Variants in KCNG3 observed in about 807,000 individuals in gnomAD.
The protein encoded by KCNG3 is potassium voltage-gated channel modifier subfamily G member 3.
In KCNG3, 15 loss-of-function variants were observed where a neutral mutation model predicts 29.0. That is an observed-to-expected ratio of 0.52 (90% CI 0.35 to 0.80). The LOEUF (loss-of-function observed/expected upper bound fraction) is 0.80, where lower values mean the gene tolerates loss of function less well. Among genes scored for constraint, KCNG3 ranks in the 30% least tolerant of loss-of-function variants. The pLI is 0.01. For synonymous variants in KCNG3, 322 were observed against 248.9 expected, an observed-to-expected ratio of 1.29 and a Z score of -2.76; for missense variants, 512 against 605.7, an observed-to-expected ratio of 0.85 and a Z score of 1.62.
chr2:42,398,859 C>T, the KCNG3 span, among the ~76,000 whole-genome samples: 1 of 152,112 alleles, frequency 6.6e-6, no homozygotes, highest in African/African-American at 2.4e-5. Flanking sequence ...GCACTGTGAA[C>T]ATTACTGACT....
chr2:42,402,326 T>C, the KCNG3 span, among the ~76,000 whole-genome samples: 1 of 152,208 alleles, frequency 6.6e-6, no homozygotes, highest in Non-Finnish European at 1.5e-5. Flanking sequence ...CCTAAATAAG[T>C]AAATCAATCC....
the KCNG3 span, among the ~76,000 whole-genome samples, chr2:42,430,918 T>C: frequency 3.7e-4 from 56 of 152,166 alleles, no homozygotes; most frequent in African/African-American, 1.3e-3. Flanking sequence ...GAGACCAGCC[T>C]GACCAACATG....
chr2:42,493,687 G>GC lies in KCNG3; in HGVS notation c.-187dup. 2 of 406,178 alleles carry GC rather than the reference G, an allele frequency of 4.9e-6. No individual in the cohort carries two copies. Among genetic ancestry groups the GC allele is most frequent in the Non-Finnish European group, 8.2e-6 (2 of 243,872 alleles). 25.2% of individuals were successfully genotyped at this position (406,178 alleles called of 1,614,324 possible). On this transcript the variant is annotated 5_prime_UTR_variant, in exon 1 of 2. Coordinates refer to ENST00000306078, the MANE Select transcript of KCNG3 (RefSeq NM_133329.6). The stretch of plus-strand genomic sequence containing the variant: ...CCTGGGCTCGAGTATCTCCGGCGCT[G>GC]CTAGTAGCGCGCCCTCCGCCCGGCG...
intron 1 of KCNG3, among the ~76,000 whole-genome samples, chr2:42,472,577 G>A (rs1162274167): frequency 2.0e-5 from 3 of 151,030 alleles, no homozygotes; most frequent in Non-Finnish European, 4.4e-5. Flanking sequence ...TCGGCTCACT[G>A]CAACCTCTCT....
chr2:42,467,958 G>A (rs1340226974), intron 1 of KCNG3, among the ~76,000 whole-genome samples: 2 of 148,474 alleles, frequency 1.3e-5, no homozygotes, highest in African/African-American at 5.0e-5. Context: ...GTGACAGAAT[G>A]AGACCCTGTC....
the KCNG3 span, among the ~76,000 whole-genome samples, chr2:42,403,911 G>A: frequency 6.6e-6 from 1 of 152,028 alleles, no homozygotes; most frequent in South Asian, 2.1e-4. Context: ...CTGCATTTAT[G>A]TTCTTAAGAT....
Position 42,443,779 on chromosome 2 carries a change from T to C in KCNG3, c.*155A>G, listed in dbSNP as rs1672539137. 1.5e-6 allele frequency: 1 copy of C among 655,914 alleles called. No homozygotes were observed. The allele number at this position is 655,914 out of a possible 1,614,324, so 40.6% of individuals were successfully genotyped here. A position where few individuals can be genotyped will look rare whatever the true frequency, so the allele number is the denominator to read the frequency against. Reference sequence around the variant, plus strand: ...TCAATTCTATTTACTCCATAACAAGTAAACTGTTTTATCCCTTCGGCTGGG... The same window carrying C: ...TCAATTCTATTTACTCCATAACAAGCAAACTGTTTTATCCCTTCGGCTGGG... On this transcript the variant is annotated 3_prime_UTR_variant, in exon 2 of 2. Coordinates refer to ENST00000306078, the MANE Select transcript of KCNG3 (RefSeq NM_133329.6).
At chr2:42,483,015 G>C (rs1427403309) in intron 1 of KCNG3, among the ~76,000 whole-genome samples, 4 of 151,978 alleles carry the variant, frequency 2.6e-5, no homozygotes, top group African/African-American at 9.7e-5. Flanking sequence ...CAGCTACTTG[G>C]GAGGCTACAG....
chr2:42,473,465 T>C (rs936796679), intron 1 of KCNG3, among the ~76,000 whole-genome samples: 4 of 152,080 alleles, frequency 2.6e-5, no homozygotes, highest in African/African-American at 9.7e-5. Context: ...TTCTCCTGCC[T>C]CAGCCTCCTG....
intron 1 of KCNG3, among the ~76,000 whole-genome samples, chr2:42,454,557 C>T (rs556300177): frequency 2.0e-4 from 30 of 152,048 alleles, no homozygotes; most frequent in African/African-American, 6.7e-4. Context: ...ACTAAAAGTA[C>T]GAAAATTAGC....
intron 1 of KCNG3, among the ~76,000 whole-genome samples, chr2:42,476,139 A>T (rs1239168233): frequency 6.6e-6 from 1 of 152,154 alleles, no homozygotes; most frequent in African/African-American, 2.4e-5. Flanking sequence ...CAGTTTTTTA[A>T]AATTTTTTCA....
the KCNG3 span, among the ~76,000 whole-genome samples, chr2:42,422,396 C>T: frequency 2.6e-5 from 4 of 152,136 alleles, no homozygotes; most frequent in African/African-American, 9.7e-5. Flanking sequence ...GGCCTTCAAT[C>T]TTGGACTTCC....
At chr2:42,398,249 AAATAAATAAAT>A in the KCNG3 span, among the ~76,000 whole-genome samples, 4 of 136,728 alleles carry the variant, frequency 2.9e-5, no homozygotes, top group East Asian at 5.6e-4. Flanking sequence ...ATAAATAAAT[AAATAAATAAAT>A]AAATAAAATA....
At chr2:42,475,990 C>CG (rs1231900188) in intron 1 of KCNG3, among the ~76,000 whole-genome samples, 1 of 152,100 alleles carries the variant, frequency 6.6e-6, no homozygotes, top group Non-Finnish European at 1.5e-5. Flanking sequence ...CACTTGAACC[C>CG]GGGAGACAGA....
the KCNG3 span, among the ~76,000 whole-genome samples, chr2:42,406,268 G>A: frequency 6.6e-6 from 1 of 151,476 alleles, no homozygotes; most frequent in Admixed American, 6.6e-5. Flanking sequence ...TGCCCAGTCT[G>A]GAGTGCAATG....
chr2:42,482,645 C>T (rs1673618120), intron 1 of KCNG3, among the ~76,000 whole-genome samples: 1 of 152,204 alleles, frequency 6.6e-6, no homozygotes, highest in Admixed American at 6.5e-5. Context: ...ACAAGAATCG[C>T]TTGAACCCGG....
At chr2:42,464,481 G>A (rs868731970) in intron 1 of KCNG3, among the ~76,000 whole-genome samples, 20 of 152,208 alleles carry the variant, frequency 1.3e-4, no homozygotes, top group Middle Eastern at 3.4e-3. Context: ...AAAAACATTC[G>A]CAGTACTAAA....
Position 42,461,852 on chromosome 2 carries a change from A to T in KCNG3, c.666-17273T>A, listed in dbSNP as rs184233204. 2.3e-3 allele frequency among the ~76,000 whole-genome samples: 343 copies of T among 152,354 alleles called. 2 individuals carry two copies. The highest frequency in any genetic ancestry group is 8.0e-3 in the African/African-American group (331 of 41,584). On this transcript the variant is annotated intron_variant, in intron 1 of 1. Coordinates refer to ENST00000306078, the MANE Select transcript of KCNG3 (RefSeq NM_133329.6). ...AAGATCTACCTCTTCAAACAAGATC[A>T]CCTTACAAAAAGTGATAACAATTCT...
Position 42,476,580 on chromosome 2 carries a change from G to A in KCNG3, c.665+16257C>T, listed in dbSNP as rs1299436667. On this transcript the variant is annotated intron_variant, in intron 1 of 1. Coordinates refer to ENST00000306078, the MANE Select transcript of KCNG3 (RefSeq NM_133329.6). Reference sequence around the variant, plus strand: ...CAGCTCACTGCAACCTCTACCTCCCGGGTTCAAGAGATTCTCATGCCTAAG... The same window carrying A: ...CAGCTCACTGCAACCTCTACCTCCCAGGTTCAAGAGATTCTCATGCCTAAG... Among the ~76,000 whole-genome samples the A allele has an allele frequency of 4.6e-5, 7 of 151,852 alleles. No individual in the cohort carries two copies. In the East Asian group the frequency reaches 5.9e-4, roughly 13 times the overall value.
Sources: allele counts gnomAD v4.1 joint callset (sites outside exome capture counted in the v4.1 genomes callset), GRCh38; gene constraint gnomAD v4.1.1; transcripts MANE v1.5; gene names NCBI Gene and HGNC (gene_info 2026-07-23, HGNC 2026-07-21).